The following FUBP1 variants were observed in gnomAD, a reference collection of about 807,000 sequenced individuals.
FUBP1 encodes far upstream element-binding protein 1.
A neutral mutation model predicts 94.9 loss-of-function variants in FUBP1; 16 were observed. The ratio of observed to expected loss-of-function variants is 0.17; its 90% CI spans 0.11 to 0.26. The LOEUF (loss-of-function observed/expected upper bound fraction) is 0.26, where lower values mean the gene tolerates loss of function less well. Ranked by LOEUF, FUBP1 falls within the 10% of genes least tolerant of loss-of-function variation. The pLI, the probability that FUBP1 is intolerant of heterozygous loss-of-function variation, is 1.00. For missense variants in FUBP1, 583 were observed against 808.6 expected, an observed-to-expected ratio of 0.72 and a Z score of 3.38; for synonymous variants, 279 against 254.9, an observed-to-expected ratio of 1.09 and a Z score of -0.90.
chr1:77,966,963 G>GAA lies in FUBP1; in HGVS notation c.344-10_344-9dup. ...CACCTCCTCTGCCAATTACTAGTTAGAAAAAAAAAAATTTTTTTTTTGGTT... is the reference window on the plus strand; with the variant it reads ...CACCTCCTCTGCCAATTACTAGTTAGAAAAAAAAAAAAATTTTTTTTTTGGTT... On this transcript the variant is annotated splice_polypyrimidine_tract_variant and intron_variant, in intron 5 of 19. Coordinates refer to ENST00000370768, the MANE Select transcript of FUBP1 (RefSeq NM_003902.5). 9.5e-6 allele frequency: 14 copies of GAA among 1,471,286 alleles called. No individual in the cohort carries two copies. Among genetic ancestry groups the GAA allele is most frequent in the Admixed American group, 5.5e-5 (3 of 54,100 alleles). The allele number at this position is 1,471,286 out of a possible 1,614,324, so 91.1% of individuals were successfully genotyped here. A position where few individuals can be genotyped will look rare whatever the true frequency, so the allele number is the denominator to read the frequency against.
intron 4 of FUBP1, 76 bp downstream of exon 4, chr1:77,967,551 C>A: frequency 1.9e-6 from 2 of 1,032,846 alleles, no homozygotes; most frequent in Non-Finnish European, 3.0e-6. Flanking sequence ...ATTCAATATA[C>A]ACCAATGTGG....
intron 18 of FUBP1, among the ~76,000 whole-genome samples, chr1:77,950,693 G>A (rs1426573291): frequency 6.6e-6 from 1 of 151,926 alleles, no homozygotes; most frequent in South Asian, 2.1e-4. Flanking sequence ...ATTTTATTTC[G>A]TTTGTAACTC....
intron 7 of FUBP1, among the ~76,000 whole-genome samples, chr1:77,966,414 G>C (rs547619212): frequency 6.6e-6 from 1 of 152,164 alleles, no homozygotes; most frequent in Non-Finnish European, 1.5e-5. Flanking sequence ...GTCACCAGTC[G>C]ACCTGACTGT....
intron 16 of FUBP1, among the ~76,000 whole-genome samples, chr1:77,957,321 C>T (rs962839282): frequency 6.6e-6 from 1 of 152,174 alleles, no homozygotes; most frequent in Non-Finnish European, 1.5e-5. Flanking sequence ...CAGCCTGAAG[C>T]CCCTGGCTTA....
intron 1 of FUBP1, among the ~76,000 whole-genome samples, chr1:77,975,353 CAAAATGATTTAA>C (rs1658399099): frequency 6.6e-6 from 1 of 150,472 alleles, no homozygotes; most frequent in Non-Finnish European, 1.5e-5. Flanking sequence ...TAAACTGTCA[CAAAATGATTTAA>C]AAAAAGAATC....
chr1:77,949,969 A>G (rs895670800), intron 18 of FUBP1, among the ~76,000 whole-genome samples: 10 of 152,174 alleles, frequency 6.6e-5, no homozygotes, highest in Admixed American at 6.5e-4. Context: ...AACACATAAA[A>G]CTCAGCTTTC....
chr1:77,952,236 C>G (rs1165732421), intron 18 of FUBP1, among the ~76,000 whole-genome samples: 1 of 151,556 alleles, frequency 6.6e-6, no homozygotes. Flanking sequence ...AAGGCTCCAT[C>G]TCAAAAAAAT....
rs1408536007 is a variant in FUBP1 at position 77,962,826 on chromosome 1, G to A, written c.1288C>T (p.Arg430Cys). The A allele has an allele frequency of 3.1e-6, 5 of 1,611,680 alleles. No individual in the cohort carries two copies. Among genetic ancestry groups the A allele is most frequent in the South Asian group, 2.2e-5 (2 of 91,024 alleles). The change falls in exon 14 of 20, where the codon CGT (arginine) becomes TGT (cysteine). Residue 430 changes from arginine to cysteine, a missense_variant. Physicochemically the swap from Arg to Cys is radical, Grantham distance 180. Transcript: ENST00000370768. Reference sequence around the variant, plus strand: ...TAGTCTATCTGTTGTGGAGTGCCACGAATTGTAAATAACTTCATATTAGGA... The same window carrying A: ...TAGTCTATCTGTTGTGGAGTGCCACAAATTGTAAATAACTTCATATTAGGA... ...ADPNMKLFTI[R>C]GTPQQIDYAR...
intron 2 of FUBP1, among the ~76,000 whole-genome samples, chr1:77,968,570 G>A (rs746519399): frequency 1.3e-5 from 2 of 151,268 alleles, no homozygotes; most frequent in Non-Finnish European, 3.0e-5. Flanking sequence ...AAGACTGGGG[G>A]GAGAAAAGCC....
chr1:77,948,219 A>G lies in FUBP1; in HGVS notation c.*547T>C. ...CAGGATTACTTGTGCTGAAAGAGCC[A>G]ATACAATAAATGGAAAAGATCCTCC... On this transcript the variant is annotated 3_prime_UTR_variant, in exon 20 of 20. Transcript: ENST00000370768. 1 of 1,052,698 alleles carries G rather than the reference A, an allele frequency of 9.5e-7. No homozygotes were observed. Among genetic ancestry groups the G allele is most frequent in the Non-Finnish European group, 1.1e-6 (1 of 871,114 alleles). 65.2% of individuals were successfully genotyped at this position (1,052,698 alleles called of 1,614,324 possible).
At position 77,960,206 on chromosome 1, in the gene FUBP1, C is replaced by G; in HGVS notation, c.1554G>C (p.Gln518His). 1 of 1,611,672 alleles carries G rather than the reference C, an allele frequency of 6.2e-7. No individual in the cohort carries two copies. Among genetic ancestry groups the G allele is most frequent in the African/African-American group, 1.3e-5 (1 of 74,928 alleles). ...QGWGNAYPHWQQQAPPDPAKA... is the reference protein window; with the variant it reads ...QGWGNAYPHWHQQAPPDPAKA... ...TACCTGGATCAGGAGGAGCCTGCTGCTGCCAGTGTGGATATGCATTTCCCC... is the reference window on the plus strand; with the variant it reads ...TACCTGGATCAGGAGGAGCCTGCTGGTGCCAGTGTGGATATGCATTTCCCC... The change falls in exon 16 of 20, where the codon CAG becomes CAC. Residue 518 changes from glutamine (Q) to histidine (H), a missense_variant. Gln to His is a conservative substitution (Grantham distance 24, BLOSUM62 0). Coordinates refer to ENST00000370768, the MANE Select transcript of FUBP1 (RefSeq NM_003902.5).
Position 77,955,333 on chromosome 1 carries a change from G to T in FUBP1, c.1706-4C>A. The T allele has an allele frequency of 6.4e-7, 1 of 1,560,880 alleles. No individual in the cohort carries two copies. Among genetic ancestry groups the T allele is most frequent in the Non-Finnish European group, 8.8e-7 (1 of 1,132,284 alleles). On this transcript the variant is annotated splice_polypyrimidine_tract_variant and splice_region_variant and intron_variant, in intron 17 of 19. Transcript: ENST00000370768. ...GGGGCTGGATTCTGCTGATCTCCTT[G>T]TTCAAGCAAAACAAAACAAAAAACA...
chr1:77,978,677 G>A (rs1659231756), intron 1 of FUBP1, among the ~76,000 whole-genome samples: 1 of 152,314 alleles, frequency 6.6e-6, no homozygotes, highest in Non-Finnish European at 1.5e-5. Context: ...AGCACGCGTC[G>A]GGGTTCTAAG....
At chr1:77,957,347 C>T (rs1457052939) in intron 16 of FUBP1, among the ~76,000 whole-genome samples, 1 of 152,146 alleles carries the variant, frequency 6.6e-6, no homozygotes, top group African/African-American at 2.4e-5. Flanking sequence ...TCCATTTCAG[C>T]CTCATCTCTC....
At chr1:77,974,338 T>C (rs1404071756) in intron 1 of FUBP1, among the ~76,000 whole-genome samples, 2 of 152,058 alleles carry the variant, frequency 1.3e-5, no homozygotes, top group Non-Finnish European at 2.9e-5. Context: ...TTCACCGTGT[T>C]AGCCAGGACG....
rs72685359 is a variant in FUBP1 at position 77,945,857 on chromosome 1, C to T, written c.*2909G>A. ...AAACTGGCAAAAAAATTAAATGCAGCGTCAGTTATTAAAATATTATTAAAT... is the reference window on the plus strand; with the variant it reads ...AAACTGGCAAAAAAATTAAATGCAGTGTCAGTTATTAAAATATTATTAAAT... On this transcript the variant is annotated 3_prime_UTR_variant, in exon 20 of 20. Coordinates refer to ENST00000370768, the MANE Select transcript of FUBP1 (RefSeq NM_003902.5). 4.4e-3 allele frequency: 916 copies of T among 209,154 alleles called. 11 individuals are homozygous for T. Among genetic ancestry groups the T allele is most frequent in the Non-Finnish European group, 4.9e-3 (503 of 102,874 alleles). 13.0% of individuals were successfully genotyped at this position (209,154 alleles called of 1,614,324 possible).
chr1:77,971,625 T>G (rs547967167), intron 1 of FUBP1, among the ~76,000 whole-genome samples: 1 of 152,150 alleles, frequency 6.6e-6, no homozygotes, highest in East Asian at 1.9e-4. Context: ...CTAGGACTCA[T>G]AGATTTCCCT....
At position 77,947,500 on chromosome 1, in the gene FUBP1, AG is replaced by A; in HGVS notation, c.*1265del. 7.5e-7 allele frequency: 1 copy of A among 1,329,452 alleles called. No homozygotes were observed. Among genetic ancestry groups the A allele is most frequent in the Non-Finnish European group, 9.9e-7 (1 of 1,005,528 alleles). The allele number at this position is 1,329,452 out of a possible 1,614,324, so 82.4% of individuals were successfully genotyped here. A position where few individuals can be genotyped will look rare whatever the true frequency, so the allele number is the denominator to read the frequency against. On this transcript the variant is annotated 3_prime_UTR_variant, in exon 20 of 20. Coordinates refer to ENST00000370768, the MANE Select transcript of FUBP1 (RefSeq NM_003902.5). The stretch of plus-strand genomic sequence containing the variant: ...CACAATCAAGGATGATACACAGCAC[AG>A]TCCTCCTCACCCCTACAGAGCTAGT...
In FUBP1 at chr1:77,946,215, CTTAATA is replaced by C. The variant is rs966554006; in HGVS notation, c.*2545_*2550del. Among the ~76,000 whole-genome samples, 5 of 151,444 alleles carry C rather than the reference CTTAATA, an allele frequency of 3.3e-5. No individual in the cohort carries two copies. The highest frequency in any genetic ancestry group is 6.6e-5 in the Admixed American group (1 of 15,168). On this transcript the variant is annotated 3_prime_UTR_variant, in exon 20 of 20. Coordinates refer to ENST00000370768, the MANE Select transcript of FUBP1 (RefSeq NM_003902.5). ...CTTGAAAACTGTGTAATTGTCCTTT[CTTAATA>C]TTAACACTTCTATATTTGGGGAAAA...
Sources: allele counts gnomAD v4.1 joint callset (sites outside exome capture counted in the v4.1 genomes callset), GRCh38; gene constraint gnomAD v4.1.1; transcripts MANE v1.5; gene names NCBI Gene and HGNC (gene_info 2026-07-23, HGNC 2026-07-21).